KCNT2: variants seen among roughly 807,000 people sequenced by gnomAD.
KCNT2 encodes potassium channel subfamily T member 2.
In KCNT2, 67 loss-of-function variants were observed where a neutral mutation model predicts 153.8. That is an observed-to-expected ratio of 0.44 (90% CI 0.36 to 0.53). The LOEUF (loss-of-function observed/expected upper bound fraction) is 0.53, where lower values mean the gene tolerates loss of function less well. KCNT2 is among the 20% of genes least tolerant of loss of function. The probability of loss-of-function intolerance (pLI) is 0.00; values close to 1 mark genes in which losing one functional copy is unlikely to be tolerated. For synonymous variants in KCNT2, 500 were observed against 458.8 expected, an observed-to-expected ratio of 1.09 and a Z score of -1.15; for missense variants, 975 against 1,354.8, an observed-to-expected ratio of 0.72 and a Z score of 4.40.
chr1:196,352,028 A>G (rs552197293), intron 14 of KCNT2, among the ~76,000 whole-genome samples: 2 of 152,190 alleles, frequency 1.3e-5, no homozygotes, highest in South Asian at 4.2e-4. Context: ...CATATATTGA[A>G]CCAGCCTTGC....
chr1:196,463,024 GA>G (rs746904757), intron 8 of KCNT2, among the ~76,000 whole-genome samples: 6 of 151,630 alleles, frequency 4.0e-5, no homozygotes, highest in Non-Finnish European at 5.9e-5. Flanking sequence ...GTACTTGCAA[GA>G]ACAGGGCAGC....
intron 1 of KCNT2, among the ~76,000 whole-genome samples, chr1:196,554,482 A>T (rs908376847): frequency 6.6e-6 from 1 of 151,184 alleles, no homozygotes; most frequent in African/African-American, 2.4e-5. Flanking sequence ...GAACAAACCA[A>T]TAACAAGAAA....
intron 14 of KCNT2, 106 bp from the exon 15 acceptor site, chr1:196,342,334 C>A: frequency 1.2e-6 from 1 of 867,932 alleles, no homozygotes; most frequent in Non-Finnish European, 1.7e-6. Flanking sequence ...TAAGAACTGG[C>A]AAGCACAATC....
intron 21 of KCNT2, 110 bp downstream of exon 21, chr1:196,315,782 G>T: frequency 1.1e-6 from 1 of 908,846 alleles, no homozygotes; most frequent in Non-Finnish European, 1.6e-6. Flanking sequence ...ATGAATAAAT[G>T]AACATAAAGT....
intron 14 of KCNT2, among the ~76,000 whole-genome samples, 194 bp from the exon 15 acceptor site, chr1:196,342,422 A>ATATATATATATATATATATATATGTAAC (rs1558170520): frequency 1.7e-4 from 1 of 5,778 alleles, no homozygotes; most frequent in African/African-American, 2.9e-4. Flanking sequence ...TTTGAATACT[A>ATATATATATATATATATATATATGTAAC]TATATATATA....
chr1:196,358,129 CT>C (rs1388485480), intron 14 of KCNT2, among the ~76,000 whole-genome samples: 1 of 151,656 alleles, frequency 6.6e-6, no homozygotes, highest in Non-Finnish European at 1.5e-5. Flanking sequence ...CAAATATCAT[CT>C]CTTCTGGATT....
At chr1:196,305,068 A>G (rs1661505250) in intron 22 of KCNT2, among the ~76,000 whole-genome samples, 166 bp downstream of exon 22, 1 of 152,186 alleles carries the variant, frequency 6.6e-6, no homozygotes, top group Admixed American at 6.5e-5. Context: ...AAATCTGTCA[A>G]TTCACATTTT....
At chr1:196,504,516 G>A (rs987113716) in intron 1 of KCNT2, among the ~76,000 whole-genome samples, 13 of 152,032 alleles carry the variant, frequency 8.6e-5, no homozygotes, top group African/African-American at 3.1e-4. Flanking sequence ...CCAAGTCTTT[G>A]CTATTGTGAA....
intron 26 of KCNT2, among the ~76,000 whole-genome samples, chr1:196,241,811 T>G (rs1654985428): frequency 6.6e-6 from 1 of 152,122 alleles, no homozygotes; most frequent in Admixed American, 6.6e-5. Flanking sequence ...AAATAGAGTA[T>G]TCAATATTTC....
At chr1:196,334,734 GA>G (rs1244814051) in intron 16 of KCNT2, among the ~76,000 whole-genome samples, 3 of 152,012 alleles carry the variant, frequency 2.0e-5, no homozygotes, top group Non-Finnish European at 2.9e-5. Context: ...GATCTGTAGA[GA>G]AGACAAACAA....
chr1:196,594,776 A>G (rs1244271418), intron 1 of KCNT2, among the ~76,000 whole-genome samples: 1 of 152,110 alleles, frequency 6.6e-6, no homozygotes, highest in East Asian at 1.9e-4. Flanking sequence ...TCATGGTATG[A>G]CACAAGCAAA....
At chr1:196,404,408 C>T (rs2148459735) in intron 12 of KCNT2, among the ~76,000 whole-genome samples, 1 of 151,660 alleles carries the variant, frequency 6.6e-6, no homozygotes, top group South Asian at 2.1e-4. Flanking sequence ...TTTCTTTTGG[C>T]ATCAAATTCA....
At chr1:196,601,894 T>C (rs536062530) in intron 1 of KCNT2, among the ~76,000 whole-genome samples, 1 of 152,346 alleles carries the variant, frequency 6.6e-6, no homozygotes, top group South Asian at 2.1e-4. Context: ...CAGATGATTA[T>C]AACATATTGT....
chr1:196,446,940 T>C (rs1238573139), intron 8 of KCNT2, among the ~76,000 whole-genome samples: 1 of 151,584 alleles, frequency 6.6e-6, no homozygotes, highest in Non-Finnish European at 1.5e-5. Flanking sequence ...GAAATGTAGA[T>C]CTATAAAGTT....
intron 8 of KCNT2, among the ~76,000 whole-genome samples, chr1:196,449,143 A>C (rs1277647518): frequency 6.6e-6 from 1 of 151,710 alleles, no homozygotes; most frequent in Non-Finnish European, 1.5e-5. Context: ...GCTTGTAGAA[A>C]AGAAGACCGA....
intron 12 of KCNT2, among the ~76,000 whole-genome samples, chr1:196,417,994 G>A (rs1442433116): frequency 6.6e-6 from 1 of 152,066 alleles, no homozygotes; most frequent in East Asian, 1.9e-4. Flanking sequence ...GATAATTTTT[G>A]TTAAATCAAT....
At chr1:196,359,378 T>C (rs1667436188) in intron 14 of KCNT2, among the ~76,000 whole-genome samples, 1 of 152,026 alleles carries the variant, frequency 6.6e-6, no homozygotes. Context: ...TAAAAGCTTA[T>C]AATTTATTAA....
chr1:196,566,907 G>C (rs1032573711), intron 1 of KCNT2, among the ~76,000 whole-genome samples: 2 of 151,976 alleles, frequency 1.3e-5, no homozygotes, highest in Non-Finnish European at 2.9e-5. Flanking sequence ...TAAAAATCTT[G>C]CTAGGTTTTC....
chr1:196,520,795 A>C (rs1653271836), intron 1 of KCNT2, among the ~76,000 whole-genome samples: 1 of 152,220 alleles, frequency 6.6e-6, no homozygotes, highest in African/African-American at 2.4e-5. Flanking sequence ...GCAAAAATCA[A>C]CTCAAGATGG....
Sources: allele counts gnomAD v4.1 joint callset (sites outside exome capture counted in the v4.1 genomes callset), GRCh38; gene constraint gnomAD v4.1.1; transcripts MANE v1.5; gene names NCBI Gene and HGNC (gene_info 2026-07-23, HGNC 2026-07-21).